The following MREG variants were observed in gnomAD, a reference collection of about 807,000 sequenced individuals.
The protein encoded by MREG is melanoregulin.
MREG carries 31 observed loss-of-function variants against 28.5 expected under a neutral mutation model. The observed-to-expected ratio is 1.09, with a 90% confidence interval of 0.82 to 1.47. The LOEUF (loss-of-function observed/expected upper bound fraction) is 1.47. Ranked by LOEUF, MREG falls within the 40% of genes most tolerant of loss-of-function variation. The probability of loss-of-function intolerance (pLI) is 0.00; values close to 1 mark genes in which losing one functional copy is unlikely to be tolerated. For missense variants in MREG, 256 were observed against 257.4 expected (o/e 0.99, Z 0.04); for synonymous variants, 106 against 95.2 (o/e 1.11, Z -0.66).
At chr2:216,024,440 A>T (rs1694564430) in intron 1 of MREG, among the ~76,000 whole-genome samples, 1 of 151,124 alleles carries the variant, frequency 6.6e-6, no homozygotes, top group Non-Finnish European at 1.5e-5. Flanking sequence ...ACAGAGTGAG[A>T]CTCAGTCTCA....
At position 215,965,232 on chromosome 2, in the gene MREG, T is replaced by C. The variant is rs917086559; in HGVS notation, c.256-18119A>G. On this transcript the variant is annotated intron_variant, in intron 2 of 4. Transcript: ENST00000263268. ...CTCATCTGATTTCAAAGAATTTTGT[T>C]AAATTGAAAATCCTATTGATACATT... 3.3e-5 allele frequency among the ~76,000 whole-genome samples: 5 copies of C among 152,384 alleles called. No individual in the cohort carries two copies. In the East Asian group the frequency reaches 7.7e-4, roughly 23 times the overall value.
chr2:215,988,674 G>A (rs1229980562), intron 2 of MREG, among the ~76,000 whole-genome samples: 1 of 152,222 alleles, frequency 6.6e-6, no homozygotes, highest in African/African-American at 2.4e-5. Context: ...ACAGCAGTCT[G>A]AAGTTGACCT....
In MREG at chr2:215,942,779, C is replaced by G. The variant is rs4258792; in HGVS notation, c.*2084G>C. On this transcript the variant is annotated 3_prime_UTR_variant, in exon 5 of 5. Transcript: ENST00000263268. ...AAAGGCAAAATACAAATTCTGAGAC[C>G]GAGAGTAAAACAATACGACATCCTT... The G allele has an allele frequency of 2.0e-5, 3 of 152,586 alleles. No homozygotes were observed. The highest frequency in any genetic ancestry group is 7.2e-5 in the African/African-American group (3 of 41,448). The allele number at this position is 152,586 out of a possible 1,614,324, so 9.5% of individuals were successfully genotyped here. A position where few individuals can be genotyped will look rare whatever the true frequency, so the allele number is the denominator to read the frequency against.
At chr2:216,015,330 G>A (rs1056564532), upstream of MREG, among the ~76,000 whole-genome samples, 3 of 152,138 alleles carry the variant, frequency 2.0e-5, no homozygotes, top group African/African-American at 4.8e-5. Flanking sequence ...ATATCGCCAG[G>A]AAGAGTATTT....
At chr2:215,990,491 C>T (rs184902786) in intron 2 of MREG, among the ~76,000 whole-genome samples, 3 of 152,214 alleles carry the variant, frequency 2.0e-5, no homozygotes, top group African/African-American at 4.8e-5. Context: ...CCTCAACTAA[C>T]GGGAAAAATA....
In MREG at chr2:215,976,945, A is replaced by T. The variant is rs188025948; in HGVS notation, c.255+19361T>A. On this transcript the variant is annotated intron_variant, in intron 2 of 4. Coordinates refer to ENST00000263268, the MANE Select transcript of MREG (RefSeq NM_018000.3). The stretch of plus-strand genomic sequence containing the variant: ...AAAACACGCCAAATTGTAAAGACCA[A>T]GGATGCTAGGAAGGAACTGCATCAA... 3.3e-3 allele frequency among the ~76,000 whole-genome samples: 507 copies of T among 152,318 alleles called. 1 individual carries two copies. The highest frequency in any genetic ancestry group is 0.012 in the African/African-American group (479 of 41,578).
chr2:215,994,629 GA>G (rs1342649218), intron 2 of MREG, among the ~76,000 whole-genome samples: 16 of 151,274 alleles, frequency 1.1e-4, no homozygotes, highest in Admixed American at 7.9e-4. Flanking sequence ...AGAGAAGAAG[GA>G]GGGGGAGGAG....
chr2:215,972,617 G>GA (rs34332971), intron 2 of MREG, among the ~76,000 whole-genome samples: 1,268 of 103,602 alleles, frequency 0.012, 19 homozygotes, highest in African/African-American at 0.037. Context: ...CTCTCTCCCA[G>GA]AAAAAAAAAA....
At chr2:215,978,467 G>T (rs1307893194) in intron 2 of MREG, among the ~76,000 whole-genome samples, 1 of 152,088 alleles carries the variant, frequency 6.6e-6, no homozygotes, top group Non-Finnish European at 1.5e-5. Context: ...AAGAGGAGCT[G>T]GTACCATTCC....
intron 2 of MREG, among the ~76,000 whole-genome samples, chr2:215,974,852 ACTCTCT>A (rs749594804): frequency 7.4e-5 from 8 of 107,554 alleles, no homozygotes; most frequent in Non-Finnish European, 1.6e-4. Flanking sequence ...ACACACACAC[ACTCTCT>A]CTCTCTCTCT....
chr2:216,015,918 A>C (rs1694442782), upstream of MREG, among the ~76,000 whole-genome samples: 1 of 152,196 alleles, frequency 6.6e-6, no homozygotes, highest in Admixed American at 6.5e-5. Flanking sequence ...GAGGAGGAGC[A>C]AGAGCTTATG....
chr2:215,984,262 T>G (rs947993297), intron 2 of MREG, among the ~76,000 whole-genome samples: 1 of 151,804 alleles, frequency 6.6e-6, no homozygotes, highest in African/African-American at 2.4e-5. Context: ...TTGAATTACC[T>G]CCCCCCATGT....
intron 1 of MREG, among the ~76,000 whole-genome samples, chr2:216,010,820 G>A (rs1008910590): frequency 1.3e-5 from 2 of 151,430 alleles, no homozygotes; most frequent in South Asian, 2.1e-4. Context: ...GATCGGCCAG[G>A]CGCAGTGGCT....
chr2:216,000,690 C>T (rs1693993885), intron 1 of MREG, among the ~76,000 whole-genome samples: 1 of 152,182 alleles, frequency 6.6e-6, no homozygotes, highest in Non-Finnish European at 1.5e-5. Flanking sequence ...CTAGCAGGGT[C>T]CTAGGACACA....
intron 2 of MREG, among the ~76,000 whole-genome samples, chr2:215,994,286 A>G (rs762651747): frequency 2.0e-4 from 31 of 151,860 alleles, no homozygotes; most frequent in Non-Finnish European, 3.4e-4. Flanking sequence ...GCTGAAAACC[A>G]TCATTCTCAG....
intron 2 of MREG, among the ~76,000 whole-genome samples, chr2:215,992,690 T>C (rs13023562): frequency 0.25 from 38,244 of 152,132 alleles, 5,159 homozygotes; most frequent in East Asian, 0.41. Context: ...AAAATCTCCT[T>C]AAGCTGATAA....
In MREG at chr2:216,013,230, C is replaced by G; in HGVS notation, c.95+3G>C. ...CAGATCCCGGCCCGGGCGGCGCACC[C>G]ACCTGACGAGGGGCTCCTTCTCAGG... On this transcript the variant is annotated splice_donor_region_variant and intron_variant, in intron 1 of 4. Coordinates refer to ENST00000263268, the MANE Select transcript of MREG (RefSeq NM_018000.3). 6 of 1,549,062 alleles carry G rather than the reference C, an allele frequency of 3.9e-6. No homozygotes were observed. The highest frequency in any genetic ancestry group is 5.2e-6 in the Non-Finnish European group (6 of 1,146,652).
At chr2:215,957,911 G>A (rs1574599331) in intron 2 of MREG, among the ~76,000 whole-genome samples, 1 of 152,114 alleles carries the variant, frequency 6.6e-6, no homozygotes, top group South Asian at 2.1e-4. Context: ...ATACACCATG[G>A]AATACTACGC....
intron 1 of MREG, among the ~76,000 whole-genome samples, chr2:216,021,172 TG>T (rs1267919263): frequency 1.2e-4 from 18 of 152,272 alleles, no homozygotes; most frequent in African/African-American, 4.3e-4. Flanking sequence ...TTCTGAGATG[TG>T]GTCTCACTCT....
Sources: gnomAD v4.1 joint callset for allele counts (sites outside exome capture counted in the v4.1 genomes callset) on GRCh38, gnomAD v4.1.1 for gene constraint, MANE v1.5 for transcripts, NCBI Gene and HGNC (gene_info 2026-07-23, HGNC 2026-07-21) for gene names.